Variants in NEXMIF observed in about 807,000 individuals in gnomAD.
NEXMIF encodes XLMR protein related to neurite extension.
Under a neutral mutation model 62.1 loss-of-function variants are expected in NEXMIF, and 8 were observed. The observed-to-expected ratio is 0.13, with a 90% confidence interval of 0.08 to 0.23. The LOEUF (loss-of-function observed/expected upper bound fraction) is 0.23, where lower values mean the gene tolerates loss of function less well. Ranked by LOEUF, NEXMIF falls within the 10% of genes least tolerant of loss-of-function variation. The pLI, the probability that NEXMIF is intolerant of heterozygous loss-of-function variation, is 1.00. For synonymous variants in NEXMIF, 404 were observed against 416.6 expected (o/e 0.97, Z 0.37); for missense variants, 976 against 1,113.3 (o/e 0.88, Z 1.75).
At chrX:74,905,307 G>A (rs764249381) in intron 1 of NEXMIF, among the ~76,000 whole-genome samples, 1 of 109,928 alleles carries the variant, frequency 9.1e-6, no homozygotes, top group Admixed American at 9.7e-5. Flanking sequence ...GGAGAGGAGA[G>A]ACATACTTTC....
At chrX:74,837,219 C>T (rs1312518160) in intron 1 of NEXMIF, among the ~76,000 whole-genome samples, 1 of 111,768 alleles carries the variant, frequency 8.9e-6, no homozygotes, top group Non-Finnish European at 1.9e-5. Flanking sequence ...TCTGACCCTC[C>T]TCAATACCTC....
At chrX:74,747,913 C>A (rs1288060266) in intron 1 of NEXMIF, among the ~76,000 whole-genome samples, 1 of 112,223 alleles carries the variant, frequency 8.9e-6, no homozygotes, top group Non-Finnish European at 1.9e-5. Flanking sequence ...CTGTGTCTAG[C>A]CAATTATCCA....
intron 1 of NEXMIF, among the ~76,000 whole-genome samples, chrX:74,756,852 C>G (rs896095134): frequency 9.0e-6 from 1 of 110,879 alleles, no homozygotes; most frequent in Non-Finnish European, 1.9e-5. Context: ...TAGGAAACAC[C>G]CATTGCACAT....
intron 1 of NEXMIF, among the ~76,000 whole-genome samples, chrX:74,856,121 C>T (rs1439258285): frequency 8.9e-6 from 1 of 111,907 alleles, no homozygotes; most frequent in Non-Finnish European, 1.9e-5. Context: ...ACTAGACAAA[C>T]ACTTTAAACC....
chrX:74,800,452 A>G (rs2080326241), intron 1 of NEXMIF, among the ~76,000 whole-genome samples: 1 of 110,851 alleles, frequency 9.0e-6, no homozygotes, highest in Non-Finnish European at 1.9e-5. Flanking sequence ...AGTAAAAATA[A>G]TTTTTCATTG....
intron 1 of NEXMIF, among the ~76,000 whole-genome samples, chrX:74,805,357 G>T (rs1385461283): frequency 2.7e-5 from 3 of 111,234 alleles, no homozygotes; most frequent in Non-Finnish European, 5.7e-5. Context: ...CTTTTTAATG[G>T]GTTATTTGCT....
chrX:74,837,635 AT>A (rs1212956910), intron 1 of NEXMIF, among the ~76,000 whole-genome samples: 2 of 111,858 alleles, frequency 1.8e-5, no homozygotes, highest in Non-Finnish European at 3.8e-5. Flanking sequence ...CCATTTCTGC[AT>A]TTTTTCCAAG....
intron 1 of NEXMIF, among the ~76,000 whole-genome samples, chrX:74,772,057 G>A (rs2080211811): frequency 8.9e-6 from 1 of 111,864 alleles, no homozygotes; most frequent in Non-Finnish European, 1.9e-5. Context: ...CAAGAATGGG[G>A]AGAACTACCT....
intron 1 of NEXMIF, among the ~76,000 whole-genome samples, chrX:74,794,577 C>T (rs911605419): frequency 8.9e-6 from 1 of 112,377 alleles, no homozygotes; most frequent in Non-Finnish European, 1.9e-5. Flanking sequence ...CCCCCAGCCT[C>T]GCTGCTGCCT....
chrX:74,738,813 T>G lies in NEXMIF; in HGVS notation c.*592A>C, dbSNP rs2080092442. ...CACACAGGACAGTAGAGTCTAAAAC[T>G]TTAAAAGAACGTGTGTGTGTGTATA... On this transcript the variant is annotated 3_prime_UTR_variant, in exon 4 of 4. Transcript: ENST00000055682. 1 of 108,581 alleles carries G rather than the reference T, an allele frequency of 9.2e-6. No individual in the cohort carries two copies. Among genetic ancestry groups the G allele is most frequent in the Non-Finnish European group, 1.9e-5 (1 of 52,181 alleles). The allele number at this position is 108,581 out of a possible 1,213,427, so 8.9% of individuals were successfully genotyped here.
chrX:74,876,667 G>T (rs1326645123), intron 1 of NEXMIF, among the ~76,000 whole-genome samples: 8 of 101,567 alleles, frequency 7.9e-5, no homozygotes, highest in Non-Finnish European at 1.6e-4. Context: ...TTATGAATCT[G>T]GGTGCTCCTG....
chrX:74,778,762 T>C (rs2080236268), intron 1 of NEXMIF, among the ~76,000 whole-genome samples: 1 of 111,752 alleles, frequency 8.9e-6, no homozygotes, highest in South Asian at 3.7e-4. Flanking sequence ...GTGATTCTCC[T>C]GCCTCAACCT....
At position 74,744,266 on chromosome X, in the gene NEXMIF, A is replaced by C; in HGVS notation, c.291T>G (p.Asn97Lys). The change falls in exon 3 of 4, where the codon AAT becomes AAG. Residue 97 changes from asparagine (N) to lysine (K), a missense_variant. Around this residue, in one of 5 missense-constraint regions of NEXMIF, gnomAD observed 126 missense variants for 146.5 expected, o/e 0.86. Transcript: ENST00000055682. ...PEHAANSASV[N>K]AISLTSGIAK... ...CAATGCCAGATGTGAGGGAGATGGC[A>C]TTCACAGAAGCACTATTAGCAGCAT... 1 of 1,211,509 alleles carries C rather than the reference A, an allele frequency of 8.3e-7. No homozygotes were observed. The highest frequency in any genetic ancestry group is 1.1e-6 in the Non-Finnish European group (1 of 895,240).
At chrX:74,911,033 C>T (rs1189025824) in intron 1 of NEXMIF, among the ~76,000 whole-genome samples, 1 of 111,621 alleles carries the variant, frequency 9.0e-6, no homozygotes, top group Non-Finnish European at 1.9e-5. Context: ...AGATCAATGG[C>T]AAGAAAAGGT....
chrX:74,739,484 T>C lies in NEXMIF; in HGVS notation c.4472A>G (p.Asn1491Ser), dbSNP rs1403250127. 8.4e-7 allele frequency: 1 copy of C among 1,194,663 alleles called. No homozygotes were observed. The highest frequency in any genetic ancestry group is 1.1e-6 in the Non-Finnish European group (1 of 884,765). ...AAAGGTTGTTTCTGCTTTTAGGAGA[T>C]TGTAGTCGGAATCCCTGCAGAAAAA... Reference protein sequence around the residue: ...SFEKLRDSDYNLLKAETTFWV... With the variant: ...SFEKLRDSDYSLLKAETTFWV... The change falls in exon 4 of 4, where the codon AAT (asparagine) becomes AGT (serine). Residue 1491 changes from asparagine to serine, a missense_variant. Transcript: ENST00000055682.
intron 1 of NEXMIF, among the ~76,000 whole-genome samples, chrX:74,821,786 G>A (rs940554826): frequency 9.0e-6 from 1 of 111,321 alleles, no homozygotes; most frequent in Non-Finnish European, 1.9e-5. Flanking sequence ...CCGGAGCGCC[G>A]TGGCTCAATC....
chrX:74,897,469 T>A (rs2080736205), intron 1 of NEXMIF, among the ~76,000 whole-genome samples: 1 of 112,341 alleles, frequency 8.9e-6, no homozygotes, highest in Admixed American at 9.5e-5. Flanking sequence ...TGGGTACTAT[T>A]TACTATCATA....
At chrX:74,874,406 T>C (rs1602259613) in intron 1 of NEXMIF, among the ~76,000 whole-genome samples, 2 of 109,504 alleles carry the variant, frequency 1.8e-5, no homozygotes, top group South Asian at 8.1e-4. Context: ...CCTTGTAGTA[T>C]AGTTTGAAGT....
At chrX:74,796,243 T>TACATATATAATATATATATACAC (rs1556024094) in intron 1 of NEXMIF, among the ~76,000 whole-genome samples, 5 of 36,994 alleles carry the variant, frequency 1.4e-4, no homozygotes, top group Non-Finnish European at 2.9e-4. Flanking sequence ...TATATATATA[T>TACATATATAATATATATATACAC]ACACATATAT....
Sources: allele counts gnomAD v4.1 joint callset (sites outside exome capture counted in the v4.1 genomes callset), GRCh38; gene constraint gnomAD v4.1.1; regional missense constraint gnomAD v4.1.1; transcripts MANE v1.5; gene names NCBI Gene and HGNC (gene_info 2026-07-23, HGNC 2026-07-21).